Variants in KIF21B observed in about 807,000 individuals in gnomAD.
KIF21B encodes the protein kinesin family member 21B.
In KIF21B, 85 loss-of-function variants were observed where a neutral mutation model predicts 192.9. That is an observed-to-expected ratio of 0.44 (90% CI 0.37 to 0.53). The LOEUF (loss-of-function observed/expected upper bound fraction) is 0.53, where lower values mean the gene tolerates loss of function less well. Among genes scored for constraint, KIF21B ranks in the 20% least tolerant of loss-of-function variants. KIF21B has a pLI of 0.00. For missense variants in KIF21B, 1,716 were observed against 2,194.8 expected, an observed-to-expected ratio of 0.78 and a Z score of 4.36; for synonymous variants, 832 against 884.6, an observed-to-expected ratio of 0.94 and a Z score of 1.05.
At position 200,999,478 on chromosome 1, in the gene KIF21B, G is replaced by A. The variant is rs1215540008; in HGVS notation, c.1768-12C>T. On this transcript the variant is annotated splice_polypyrimidine_tract_variant and intron_variant, in intron 12 of 34. Transcript: ENST00000461742. This position sits in a 1 kb window ranked among gnomAD's most constrained non-coding sequence, Gnocchi z 4.7. ...CGCTCTTCCTCCTCCTGGGCACCAGGCACCATTGGGGTGGGCCTGGCCTCA... is the reference window on the plus strand; with the variant it reads ...CGCTCTTCCTCCTCCTGGGCACCAGACACCATTGGGGTGGGCCTGGCCTCA... 1 of 1,612,508 alleles carries A rather than the reference G, an allele frequency of 6.2e-7. No homozygotes were observed. Among genetic ancestry groups the A allele is most frequent in the South Asian group, 1.1e-5 (1 of 90,856 alleles).
chr1:200,999,803 G>A lies in KIF21B; in HGVS notation c.1767+80C>T, dbSNP rs1657349120. ...AACCGCCTCCTTCACTCCATACAAG[G>A]ATGCGGATGGGGCCCCCGCCAACCC... On this transcript the variant is annotated intron_variant, in intron 12 of 34. Transcript: ENST00000461742. The surrounding 1 kb of genome is among the most constrained non-coding windows in gnomAD (Gnocchi z 4.7). 2.2e-6 allele frequency: 3 copies of A among 1,391,888 alleles called. No homozygotes were observed. Among genetic ancestry groups the A allele is most frequent in the Non-Finnish European group, 3.0e-6 (3 of 984,818 alleles). 86.2% of individuals were successfully genotyped at this position (1,391,888 alleles called of 1,614,324 possible).
At position 200,999,028 on chromosome 1, in the gene KIF21B, T is replaced by C. The variant is rs1316229767; in HGVS notation, c.1885+321A>G. Among the ~76,000 whole-genome samples the C allele has an allele frequency of 1.3e-5, 2 of 152,150 alleles. No individual in the cohort carries two copies. The highest frequency in any genetic ancestry group is 2.9e-5 in the Non-Finnish European group (2 of 68,020). The stretch of plus-strand genomic sequence containing the variant: ...CATGTTTGCTCTGCATGGACCACAC[T>C]GGGGAAGGTCACTAAACCCCTGTGA... On this transcript the variant is annotated intron_variant, in intron 13 of 34. Coordinates refer to ENST00000461742, the MANE Select transcript of KIF21B (RefSeq NM_001252102.2). The surrounding 1 kb of genome is among the most constrained non-coding windows in gnomAD (Gnocchi z 4.7).
chr1:200,983,784 C>T (rs188626091), intron 27 of KIF21B, among the ~76,000 whole-genome samples: 21 of 152,320 alleles, frequency 1.4e-4, no homozygotes, highest in African/African-American at 3.6e-4. Context: ...TGGCTCCCCC[C>T]ACAGCAGCCT....
rs530375508 is a variant in KIF21B at position 200,982,366 on chromosome 1, C to T, written c.3842+690G>A. Among the ~76,000 whole-genome samples, 12 of 152,320 alleles carry T rather than the reference C, an allele frequency of 7.9e-5. No homozygotes were observed. The South Asian group carries it at 2.1e-3, about 26-fold the overall frequency. On this transcript the variant is annotated intron_variant, in intron 28 of 34. Coordinates refer to ENST00000461742, the MANE Select transcript of KIF21B (RefSeq NM_001252102.2). This position sits in a 1 kb window ranked among gnomAD's most constrained non-coding sequence, Gnocchi z 4.7. ...GAGCTGAGACAGCCCACCAGGAGAG[C>T]CGAGGAAGCTCTCAGCCCACGAGGG...
intron 1 of KIF21B, among the ~76,000 whole-genome samples, chr1:201,018,352 G>A (rs998850004): frequency 2.0e-5 from 3 of 152,158 alleles, no homozygotes; most frequent in Non-Finnish European, 2.9e-5. Context: ...AAACACAAAC[G>A]ATGACAGCAC....
rs886135626 is a variant in KIF21B, at chr1:200,982,817, T to C, written c.3842+239A>G. 6.6e-6 allele frequency among the ~76,000 whole-genome samples: 1 copy of C among 152,058 alleles called. No individual in the cohort carries two copies. The highest frequency in any genetic ancestry group is 2.4e-5 in the African/African-American group (1 of 41,420). ...GAACAGGGCCTGCGACAAGCAACTG[T>C]GCACCCTCCCCAAGCCCCCAGCTCT... On this transcript the variant is annotated intron_variant, in intron 28 of 34. Transcript: ENST00000461742. The surrounding 1 kb of genome is among the most constrained non-coding windows in gnomAD (Gnocchi z 4.7).
rs115638445 is a variant in KIF21B at position 200,975,917 on chromosome 1, G to A, written c.4444-248C>T. Among the ~76,000 whole-genome samples, 2,401 of 152,196 alleles carry A rather than the reference G, an allele frequency of 0.016. 30 individuals carry two copies. Among genetic ancestry groups the A allele is most frequent in the South Asian group, 0.025 (120 of 4,812 alleles). On this transcript the variant is annotated intron_variant, in intron 32 of 34. Coordinates refer to ENST00000461742, the MANE Select transcript of KIF21B (RefSeq NM_001252102.2). The surrounding 1 kb of genome is among the most constrained non-coding windows in gnomAD (Gnocchi z 4.3). ...GGATACTGGGGCAGGGGTGGGAGGA[G>A]ACCAACTCAAGTAATGCAGGGGTGA...
chr1:201,002,400 G>GT, intron 8 of KIF21B, 50 bp from the exon 9 acceptor site: 2 of 1,552,246 alleles, frequency 1.3e-6, no homozygotes, highest in East Asian at 2.3e-5. Flanking sequence ...CTCGCGGTTG[G>GT]GGGGGTAAGG....
chr1:200,997,989 C>A (rs903380498), intron 14 of KIF21B, among the ~76,000 whole-genome samples: 11 of 151,992 alleles, frequency 7.2e-5, no homozygotes, highest in African/African-American at 2.7e-4. Flanking sequence ...ATAAGTAAAT[C>A]AATGAATGAA....
At chr1:200,988,720 C>G in intron 22 of KIF21B, 46 bp downstream of exon 22, 1 of 1,576,110 alleles carries the variant, frequency 6.3e-7, no homozygotes, top group Non-Finnish European at 8.6e-7. Context: ...CCCAAGAGCA[C>G]TGGAATGCCA....
intron 2 of KIF21B, 127 bp from the exon 3 acceptor site, chr1:201,009,078 C>T (rs1159553402): frequency 3.2e-6 from 4 of 1,248,952 alleles, no homozygotes; most frequent in East Asian, 4.9e-5. Flanking sequence ...TTTCTTGGTC[C>T]TGAAGCCACA....
intron 28 of KIF21B, 21 bp downstream of exon 28, chr1:200,983,035 C>T (rs886084196): frequency 2.1e-5 from 32 of 1,535,102 alleles, no homozygotes; most frequent in East Asian, 2.0e-4. Context: ...GAACCAAACA[C>T]GAGAGACATT....
At position 201,000,320 on chromosome 1, in the gene KIF21B, C is replaced by A. The variant is rs1462262980; in HGVS notation, c.1685+70G>T. ...CTAAACACTGGTGGGCAGCAGTCCT[C>A]CTTGGGGACGGGCAGGGTCCACTGG... On this transcript the variant is annotated intron_variant, in intron 11 of 34. Coordinates refer to ENST00000461742, the MANE Select transcript of KIF21B (RefSeq NM_001252102.2). The surrounding 1 kb of genome is among the most constrained non-coding windows in gnomAD (Gnocchi z 6.0). 64 of 1,435,268 alleles carry A rather than the reference C, an allele frequency of 4.5e-5. No individual in the cohort carries two copies. The East Asian group carries it at 1.5e-3, about 33-fold the overall frequency. The allele number at this position is 1,435,268 out of a possible 1,614,324, so 88.9% of individuals were successfully genotyped here. A position where few individuals can be genotyped will look rare whatever the true frequency, so the allele number is the denominator to read the frequency against.
rs1399760782 is a variant in KIF21B at position 200,975,511 on chromosome 1, C to A, written c.4602G>T (p.Gln1534His). The change falls in exon 33 of 35, where the codon CAG (glutamine) becomes CAT (histidine). Residue 1534 changes from glutamine to histidine, a missense_variant. Around this residue, in one of 3 missense-constraint regions of KIF21B, gnomAD observed 580 missense variants for 775.5 expected, o/e 0.75. Transcript: ENST00000461742. This position sits in a 1 kb window ranked among gnomAD's most constrained non-coding sequence, Gnocchi z 4.3. ...NGIKKWDLDQ[Q>H]ELIQQIPNAH... ...CTCCTGACCCCACCTGGATGAGCTC[C>A]TGCTGGTCTAGGTCCCACTTCTTGA... The A allele has an allele frequency of 1.2e-6, 2 of 1,611,714 alleles. No homozygotes were observed. The highest frequency in any genetic ancestry group is 3.3e-5 in the Admixed American group (2 of 59,928).
At position 200,985,708 on chromosome 1, in the gene KIF21B, C is replaced by CTT. The variant is rs534630574; in HGVS notation, c.3690-738_3690-737dup. ...CTTCCCTGCCATTCTGCATTGATCTCTTTTTTCCTTTGAATTTCTTTCTTC... is the reference window on the plus strand; with the variant it reads ...CTTCCCTGCCATTCTGCATTGATCTCTTTTTTTTCCTTTGAATTTCTTTCTTC... On this transcript the variant is annotated intron_variant, in intron 26 of 34. Coordinates refer to ENST00000461742, the MANE Select transcript of KIF21B (RefSeq NM_001252102.2). Among the ~76,000 whole-genome samples the CTT allele has an allele frequency of 4.7e-3, 719 of 152,136 alleles. 9 individuals carry two copies. The highest frequency in any genetic ancestry group is 0.017 in the South Asian group (82 of 4,808).
At position 201,023,281 on chromosome 1, in the gene KIF21B, GC is replaced by G; in HGVS notation, c.41+61del. The stretch of plus-strand genomic sequence containing the variant: ...GCGGTGCTCGCGCCCCCCGCCCAAA[GC>G]CCACGCGAGACAAAGCCCGAGGCTT... On this transcript the variant is annotated intron_variant, in intron 1 of 34. Transcript: ENST00000461742. This position sits in a 1 kb window ranked among gnomAD's most constrained non-coding sequence, Gnocchi z 5.9. 1 of 1,408,622 alleles carries G rather than the reference GC, an allele frequency of 7.1e-7. No homozygotes were observed. The allele number at this position is 1,408,622 out of a possible 1,614,324, so 87.3% of individuals were successfully genotyped here.
intron 8 of KIF21B, chr1:201,003,282 C>G (rs1304333967): frequency 6.6e-6 from 3 of 451,300 alleles, no homozygotes; most frequent in African/African-American, 5.9e-5. Flanking sequence ...TGAAAACACC[C>G]TGGAGAGTGT....
chr1:201,007,375 G>C (rs138014560), intron 3 of KIF21B, among the ~76,000 whole-genome samples: 2,670 of 41,850 alleles, frequency 0.064, 599 homozygotes, highest in Non-Finnish European at 0.084. Context: ...CACACACAGA[G>C]ACAGAGACAC....
chr1:200,973,424 C>A lies in KIF21B; in HGVS notation c.*97G>T. The A allele has an allele frequency of 7.4e-7, 1 of 1,358,190 alleles. No individual in the cohort carries two copies. The highest frequency in any genetic ancestry group is 9.4e-7 in the Non-Finnish European group (1 of 1,059,382). The allele number at this position is 1,358,190 out of a possible 1,614,324, so 84.1% of individuals were successfully genotyped here. A position where few individuals can be genotyped will look rare whatever the true frequency, so the allele number is the denominator to read the frequency against. ...GAGAGGGGGCCACGCCCTCTGTCCC[C>A]AGAGCAGCTGGCCCCATCGGCCGGG... On this transcript the variant is annotated 3_prime_UTR_variant, in exon 35 of 35. Coordinates refer to ENST00000461742, the MANE Select transcript of KIF21B (RefSeq NM_001252102.2).
Sources: allele counts gnomAD v4.1 joint callset (sites outside exome capture counted in the v4.1 genomes callset), GRCh38; gene constraint gnomAD v4.1.1; regional missense constraint gnomAD v4.1.1; non-coding constraint Gnocchi (gnomAD v3.1); transcripts MANE v1.5; gene names NCBI Gene and HGNC (gene_info 2026-07-23, HGNC 2026-07-21).